Variants in SH3RF2 observed in about 807,000 individuals in gnomAD.
SH3RF2 encodes the protein E3 ubiquitin-protein ligase SH3RF2.
A neutral mutation model predicts 59.0 loss-of-function variants in SH3RF2; 43 were observed. The ratio of observed to expected loss-of-function variants is 0.73; its 90% CI spans 0.57 to 0.94. The LOEUF (loss-of-function observed/expected upper bound fraction) is 0.94. Among genes scored for constraint, SH3RF2 ranks in the 40% least tolerant of loss-of-function variants. The pLI, the probability that SH3RF2 is intolerant of heterozygous loss-of-function variation, is 0.00. For missense variants in SH3RF2, 930 were observed against 940.1 expected (o/e 0.99, Z 0.14); for synonymous variants, 391 against 391.5 (o/e 1.00, Z 0.01).
At chr5:145,951,876 A>G (rs1340041068) in intron 2 of SH3RF2, among the ~76,000 whole-genome samples, 1 of 152,192 alleles carries the variant, frequency 6.6e-6, no homozygotes, top group Non-Finnish European at 1.5e-5. Context: ...GGGACAAGAT[A>G]GAGCACTAGG....
chr5:146,065,819 A>C (rs771452762), downstream of SH3RF2, among the ~76,000 whole-genome samples: 38 of 152,188 alleles, frequency 2.5e-4, no homozygotes, highest in Admixed American at 9.2e-4. Flanking sequence ...CATGCTTTGT[A>C]AATTTATTGT....
chr5:146,058,827 G>A (rs1309350207), intron 8 of SH3RF2, among the ~76,000 whole-genome samples: 1 of 150,280 alleles, frequency 6.7e-6, no homozygotes, highest in East Asian at 2.0e-4. Context: ...CAGAGAATTT[G>A]AGGGGAAGAA....
In SH3RF2 at chr5:146,013,794, G is replaced by A; in HGVS notation, c.792G>A (p.Gln264=). ...RHLLEKNKGR[Q]SSRTKNLSLV... is the part of the protein sequence containing the mutation. ...TTTTAGAGAAGAACAAAGGTCGCCA[G>A]TCATCCCGCACAAAAAACCTGTCCC... is the stretch of plus-strand genomic sequence containing the variant. Residue 264 remains glutamine, a synonymous_variant, in exon 5 of 10, where the codon CAG becomes CAA. Transcript: ENST00000359120. 6.2e-7 allele frequency: 1 copy of A among 1,614,138 alleles called. No homozygotes were observed. Among genetic ancestry groups the A allele is most frequent in the Non-Finnish European group, 8.5e-7 (1 of 1,180,018 alleles).
chr5:146,012,044 A>T (rs1010951496), intron 4 of SH3RF2, among the ~76,000 whole-genome samples: 1 of 152,152 alleles, frequency 6.6e-6, no homozygotes, highest in African/African-American at 2.4e-5. Context: ...TATTATTTTG[A>T]GATACGTCCC....
chr5:146,024,358 A>G lies in SH3RF2; in HGVS notation c.1059+10297A>G, dbSNP rs574311626. On this transcript the variant is annotated intron_variant, in intron 5 of 9. Transcript: ENST00000359120. ...TAAGAGCATCTGTTCATGCGTTTAT[A>G]GTGCATGTGTTCTTTGGAGAACTGT... 7.9e-5 allele frequency among the ~76,000 whole-genome samples: 12 copies of G among 152,312 alleles called. No homozygotes were observed. The South Asian group carries it at 2.5e-3, about 32-fold the overall frequency.
At position 146,081,713 on chromosome 5, in the gene SH3RF2, C is replaced by T. The variant is rs572527484; in HGVS notation, c.*3287C>T. 6 of 152,176 alleles carry T rather than the reference C, an allele frequency of 3.9e-5. No homozygotes were observed. In the East Asian group the frequency reaches 5.8e-4, roughly 15 times the overall value. The allele number at this position is 152,176 out of a possible 1,614,324, so 9.4% of individuals were successfully genotyped here. On this transcript the variant is annotated 3_prime_UTR_variant, in exon 10 of 10. Transcript: ENST00000511217. ...AATATGCATTCTTCCCAGCTGTAAG[C>T]GTGTGAAGCCAAATATGTCTTTTAG...
intron 5 of SH3RF2, among the ~76,000 whole-genome samples, chr5:146,047,154 C>CGTGTGTGTGTGTGTGTGTGT (rs35750777): frequency 0.017 from 2,525 of 148,188 alleles, 36 homozygotes; most frequent in African/African-American, 0.044. Flanking sequence ...ATTGGATAGG[C>CGTGTGTGTGTGTGTGTGTGT]GTGTGTGTGT....
intron 2 of SH3RF2, among the ~76,000 whole-genome samples, chr5:145,975,628 G>A (rs1418773655): frequency 1.3e-5 from 2 of 152,222 alleles, no homozygotes; most frequent in Non-Finnish European, 2.9e-5. Flanking sequence ...AGATGAGCAA[G>A]AATATCTGTG....
At chr5:145,954,789 A>G (rs1758329022) in intron 2 of SH3RF2, among the ~76,000 whole-genome samples, 1 of 152,120 alleles carries the variant, frequency 6.6e-6, no homozygotes, top group Non-Finnish European at 1.5e-5. Flanking sequence ...AGCTTTGGGG[A>G]GACCTCAGGA....
intron 5 of SH3RF2, among the ~76,000 whole-genome samples, chr5:146,024,587 T>A (rs996299934): frequency 6.6e-6 from 1 of 152,250 alleles, no homozygotes; most frequent in Admixed American, 6.5e-5. Flanking sequence ...TTTCCTTTGT[T>A]GCTTGTGCTT....
intron 5 of SH3RF2, among the ~76,000 whole-genome samples, chr5:146,044,685 T>C (rs766782291): frequency 6.6e-6 from 1 of 152,106 alleles, no homozygotes; most frequent in Non-Finnish European, 1.5e-5. Flanking sequence ...CAGCTATCGT[T>C]CTCCCACAGT....
chr5:146,032,792 C>T (rs1018719535), intron 5 of SH3RF2, among the ~76,000 whole-genome samples: 4 of 152,204 alleles, frequency 2.6e-5, no homozygotes, highest in African/African-American at 9.6e-5. Context: ...GGCGTCTTTG[C>T]AGAGTTCCAG....
Position 146,038,554 on chromosome 5 carries a change from G to A in SH3RF2, c.1060-9218G>A, listed in dbSNP as rs183019780. Among the ~76,000 whole-genome samples, 10 of 152,224 alleles carry A rather than the reference G, an allele frequency of 6.6e-5. 1 individual carries two copies. The highest frequency in any genetic ancestry group is 1.9e-4 in the African/African-American group (8 of 41,550). ...AAATAGAAAAATGATTTTTAAAAAGGTACCATTAACAGGAGCAACTAAATT... is the reference window on the plus strand; with the variant it reads ...AAATAGAAAAATGATTTTTAAAAAGATACCATTAACAGGAGCAACTAAATT... On this transcript the variant is annotated intron_variant, in intron 5 of 9. Coordinates refer to ENST00000359120, the MANE Select transcript of SH3RF2 (RefSeq NM_152550.4).
In SH3RF2 at chr5:145,955,227, T is replaced by C. The variant is rs531275294; in HGVS notation, c.378+16921T>C. 4.3e-4 allele frequency among the ~76,000 whole-genome samples: 66 copies of C among 152,272 alleles called. 1 individual carries two copies. In the South Asian group the frequency reaches 0.012, roughly 27 times the overall value. Reference sequence around the variant, plus strand: ...TTCAAAAACTGACCTGATTTTCAGTTGGGGAACAAAATCATGTCCTTTGCA... The same window carrying C: ...TTCAAAAACTGACCTGATTTTCAGTCGGGGAACAAAATCATGTCCTTTGCA... On this transcript the variant is annotated intron_variant, in intron 2 of 9. Transcript: ENST00000359120.
chr5:145,975,579 G>A (rs1759256901), intron 2 of SH3RF2, among the ~76,000 whole-genome samples: 1 of 152,198 alleles, frequency 6.6e-6, no homozygotes, highest in South Asian at 2.1e-4. Context: ...GCCCCAGCTG[G>A]TTCCCTCTGT....
At chr5:145,951,894 A>G (rs1758208082) in intron 2 of SH3RF2, among the ~76,000 whole-genome samples, 1 of 152,194 alleles carries the variant, frequency 6.6e-6, no homozygotes, top group Non-Finnish European at 1.5e-5. Context: ...AGGTAAGAAC[A>G]GGGGCTCTGA....
rs553010380 is a variant in SH3RF2, at chr5:146,048,876, C to T, written c.1152-199C>T. Among the ~76,000 whole-genome samples the T allele has an allele frequency of 8.5e-5, 13 of 152,200 alleles. No individual in the cohort carries two copies. In the East Asian group the frequency reaches 2.3e-3, roughly 27 times the overall value. On this transcript the variant is annotated intron_variant, in intron 6 of 9. Coordinates refer to ENST00000359120, the MANE Select transcript of SH3RF2 (RefSeq NM_152550.4). Reference sequence around the variant, plus strand: ...TTCACCATGTTGGCCAGGCTGGTCTCGAACTCCTGACCTCAGGTGATCCAC... The same window carrying T: ...TTCACCATGTTGGCCAGGCTGGTCTTGAACTCCTGACCTCAGGTGATCCAC...
chr5:146,039,751 C>T lies in SH3RF2; in HGVS notation c.1060-8021C>T, dbSNP rs183947896. 9.1e-4 allele frequency among the ~76,000 whole-genome samples: 138 copies of T among 152,232 alleles called. 1 individual carries two copies. Among genetic ancestry groups the T allele is most frequent in the African/African-American group, 3.1e-3 (128 of 41,534 alleles). On this transcript the variant is annotated intron_variant, in intron 5 of 9. Coordinates refer to ENST00000359120, the MANE Select transcript of SH3RF2 (RefSeq NM_152550.4). The stretch of plus-strand genomic sequence containing the variant: ...TTGGCCCATCAATTCCACTCCTAGA[C>T]GCATATCCTGGAGAAATTCTTGCCC...
intron 4 of SH3RF2, among the ~76,000 whole-genome samples, 173 bp downstream of exon 4, chr5:146,004,326 A>G (rs962144760): frequency 1.3e-5 from 2 of 152,216 alleles, no homozygotes; most frequent in African/African-American, 2.4e-5. Flanking sequence ...AGTCTGGGGA[A>G]ATGAGCCTTT....
Sources: gnomAD v4.1 joint callset for allele counts (sites outside exome capture counted in the v4.1 genomes callset) on GRCh38, gnomAD v4.1.1 for gene constraint, MANE v1.5 for transcripts, NCBI Gene and HGNC (gene_info 2026-07-23, HGNC 2026-07-21) for gene names.